PIK3C3: variants seen among roughly 807,000 people sequenced by gnomAD.
PIK3C3 encodes the protein phosphatidylinositol 3-kinase catalytic subunit type 3.
PIK3C3 carries 95 observed loss-of-function variants against 126.1 expected under a neutral mutation model. The ratio of observed to expected loss-of-function variants is 0.75; its 90% CI spans 0.64 to 0.89. The LOEUF (loss-of-function observed/expected upper bound fraction) is 0.89, where lower values mean the gene tolerates loss of function less well. PIK3C3 is among the 40% of genes least tolerant of loss of function. The pLI, the probability that PIK3C3 is intolerant of heterozygous loss-of-function variation, is 0.00. For synonymous variants in PIK3C3, 374 were observed against 360.0 expected, an observed-to-expected ratio of 1.04 and a Z score of -0.44; for missense variants, 829 against 1,063.2, an observed-to-expected ratio of 0.78 and a Z score of 3.06.
At chr18:41,978,959 C>T (rs1238505676) in intron 4 of PIK3C3, among the ~76,000 whole-genome samples, 1 of 150,936 alleles carries the variant, frequency 6.6e-6, no homozygotes, top group African/African-American at 2.4e-5. Flanking sequence ...TGTTGGTGTG[C>T]ACCTGTAGTT....
At chr18:41,993,598 A>G (rs1038940837) in intron 7 of PIK3C3, among the ~76,000 whole-genome samples, 1 of 151,958 alleles carries the variant, frequency 6.6e-6, no homozygotes, top group Admixed American at 6.6e-5. Flanking sequence ...GCTAGGCAGT[A>G]TACTCTTTTT....
At chr18:42,076,123 C>CAATATAT (rs1568013588) in intron 24 of PIK3C3, among the ~76,000 whole-genome samples, 1 of 30,280 alleles carries the variant, frequency 3.3e-5, no homozygotes, top group African/African-American at 1.6e-4. Flanking sequence ...TATATATATG[C>CAATATAT]GCATATATAT....
At chr18:42,043,295 G>A (rs1984409671) in intron 19 of PIK3C3, among the ~76,000 whole-genome samples, 1 of 152,092 alleles carries the variant, frequency 6.6e-6, no homozygotes, top group African/African-American at 2.4e-5. Flanking sequence ...GTTTCACCAT[G>A]TTGACCAGGA....
intron 12 of PIK3C3, among the ~76,000 whole-genome samples, chr18:42,015,859 G>A (rs981043182): frequency 3.3e-5 from 5 of 152,172 alleles, no homozygotes; most frequent in African/African-American, 1.2e-4. Context: ...TACTGTCAAT[G>A]TGTTTATGAA....
chr18:42,025,749 T>C (rs754058993), intron 13 of PIK3C3: 2 of 152,210 alleles, frequency 1.3e-5, no homozygotes, highest in Non-Finnish European at 2.9e-5. Flanking sequence ...GGTCATGTAA[T>C]GGAATTCAAG....
chr18:42,060,238 G>A (rs1338757341), intron 22 of PIK3C3, among the ~76,000 whole-genome samples: 2 of 152,036 alleles, frequency 1.3e-5, no homozygotes, highest in Non-Finnish European at 2.9e-5. Flanking sequence ...AGTTTTTCTT[G>A]ATAATTGATC....
At chr18:42,037,543 C>T in intron 16 of PIK3C3, 149 bp from the exon 17 acceptor site, 1 of 605,480 alleles carries the variant, frequency 1.7e-6, no homozygotes. Flanking sequence ...TCCAGTATAC[C>T]CTAATGTATC....
At chr18:41,959,565 G>A (rs537745121) in intron 2 of PIK3C3, among the ~76,000 whole-genome samples, 1 of 152,046 alleles carries the variant, frequency 6.6e-6, no homozygotes, top group African/African-American at 2.4e-5. Context: ...AAAAAATACT[G>A]TACAGGTGGA....
chr18:42,058,783 G>GGCT (rs1985185767), intron 22 of PIK3C3, among the ~76,000 whole-genome samples: 1 of 152,152 alleles, frequency 6.6e-6, no homozygotes, highest in African/African-American at 2.4e-5. Flanking sequence ...TTTAGGACAT[G>GGCT]GCTCTGATGA....
intron 23 of PIK3C3, among the ~76,000 whole-genome samples, chr18:42,066,073 A>G (rs879700646): frequency 1.1e-4 from 16 of 152,210 alleles, no homozygotes; most frequent in African/African-American, 1.9e-4. Context: ...CTGTAAGTAG[A>G]AGTTAAGGAA....
At chr18:42,009,290 C>T (rs184738254) in intron 10 of PIK3C3, among the ~76,000 whole-genome samples, 8 of 152,242 alleles carry the variant, frequency 5.3e-5, no homozygotes, top group African/African-American at 1.7e-4. Context: ...AATTAATAAG[C>T]CACATAATCT....
At chr18:42,075,874 TC>T (rs1183748481) in intron 24 of PIK3C3, among the ~76,000 whole-genome samples, 1 of 150,046 alleles carries the variant, frequency 6.7e-6, no homozygotes, top group Admixed American at 6.6e-5. Context: ...GGCATCTTAT[TC>T]CATTAGAAAG....
At chr18:42,037,590 A>T (rs979347552) in intron 16 of PIK3C3, 102 bp from the exon 17 acceptor site, 10 of 1,034,544 alleles carry the variant, frequency 9.7e-6, no homozygotes, top group Non-Finnish European at 1.4e-5. Context: ...GGTCCTATTT[A>T]CCTGTGTATT....
chr18:42,048,527 A>G (rs1007960895), intron 20 of PIK3C3, among the ~76,000 whole-genome samples: 5 of 152,226 alleles, frequency 3.3e-5, no homozygotes, highest in African/African-American at 1.2e-4. Context: ...TATCTACTTA[A>G]CTGGCATCAT....
Position 42,084,585 on chromosome 18 carries a change from CAAAAAAAAAAAA to C in PIK3C3, c.*3458_*3469del, listed in dbSNP as rs58697677. The C allele has an allele frequency of 2.1e-5, 2 of 96,724 alleles. No individual in the cohort carries two copies. Among genetic ancestry groups the C allele is most frequent in the Non-Finnish European group, 4.1e-5 (2 of 48,564 alleles). 6.0% of individuals were successfully genotyped at this position (96,724 alleles called of 1,614,324 possible). Reference sequence around the variant, plus strand: ...TAGTATAGAGTAGCTAAAAACAAACCAAAAAAAAAAAAAAAAAAAAAGGAAAAACAGAATAAG... The same window carrying C: ...TAGTATAGAGTAGCTAAAAACAAACCAAAAAAAAAGGAAAAACAGAATAAG... On this transcript the variant is annotated 3_prime_UTR_variant, in exon 25 of 25. Transcript: ENST00000262039.
rs762654163 is a variant in PIK3C3 at position 41,970,584 on chromosome 18, A to G, written c.531+128A>G. ...ATCTTAACTTTTAAATAATTGTTTT[A>G]TTGAGATATAATTCACATACCATAA... On this transcript the variant is annotated intron_variant, in intron 4 of 24. Coordinates refer to ENST00000262039, the MANE Select transcript of PIK3C3 (RefSeq NM_002647.4). 9.5e-6 allele frequency: 8 copies of G among 842,582 alleles called. No individual in the cohort carries two copies. The South Asian group carries it at 1.0e-4, about 11-fold the overall frequency. 52.2% of individuals were successfully genotyped at this position (842,582 alleles called of 1,614,324 possible).
Position 42,040,114 on chromosome 18 carries a change from C to T in PIK3C3, c.2039-563C>T, listed in dbSNP as rs374284483. Among the ~76,000 whole-genome samples the T allele has an allele frequency of 1.2e-4, 17 of 145,704 alleles. No individual in the cohort carries two copies. In the East Asian group the frequency reaches 3.4e-3, roughly 29 times the overall value. Reference sequence around the variant, plus strand: ...TTCTGTTGTCTTCAGACTTATCAGACTGACTTTTTCTCCTTCTTCCACATA... The same window carrying T: ...TTCTGTTGTCTTCAGACTTATCAGATTGACTTTTTCTCCTTCTTCCACATA... On this transcript the variant is annotated intron_variant, in intron 18 of 24. Coordinates refer to ENST00000262039, the MANE Select transcript of PIK3C3 (RefSeq NM_002647.4).
chr18:42,051,271 A>G (rs1181093899), intron 21 of PIK3C3: 1 of 152,226 alleles, frequency 6.6e-6, no homozygotes, highest in Admixed American at 6.5e-5. Flanking sequence ...GTGTTCAATA[A>G]ATCAGTGTTG....
intron 18 of PIK3C3, among the ~76,000 whole-genome samples, chr18:42,040,437 A>G (rs569582205): frequency 1.3e-5 from 2 of 152,234 alleles, no homozygotes; most frequent in South Asian, 4.2e-4. Context: ...ATATTTTATA[A>G]TAGAAATTAG....
Sources: gnomAD v4.1 joint callset for allele counts (sites outside exome capture counted in the v4.1 genomes callset) on GRCh38, gnomAD v4.1.1 for gene constraint, MANE v1.5 for transcripts, NCBI Gene and HGNC (gene_info 2026-07-23, HGNC 2026-07-21) for gene names.